The following MYO1D variants were observed in gnomAD, a reference collection of about 807,000 sequenced individuals.
MYO1D encodes unconventional myosin-Id.
MYO1D carries 83 observed loss-of-function variants against 122.0 expected under a neutral mutation model. The ratio of observed to expected loss-of-function variants is 0.68; its 90% confidence interval spans 0.57 to 0.82. The LOEUF (loss-of-function observed/expected upper bound fraction) is 0.82. MYO1D is among the 40% of genes least tolerant of loss of function. MYO1D has a pLI of 0.00. For missense variants in MYO1D, 1,157 were observed against 1,269.5 expected, an observed-to-expected ratio of 0.91 and a Z score of 1.35; for synonymous variants, 464 against 446.9, an observed-to-expected ratio of 1.04 and a Z score of -0.48.
chr17:32,738,616 T>A (rs762031246), intron 13 of MYO1D, among the ~76,000 whole-genome samples: 1 of 152,210 alleles, frequency 6.6e-6, no homozygotes. Context: ...TTTTAAAAAT[T>A]ATTTAAACTT....
intron 1 of MYO1D, among the ~76,000 whole-genome samples, chr17:32,866,420 T>C (rs899529989): frequency 6.6e-6 from 1 of 152,206 alleles, no homozygotes; most frequent in Non-Finnish European, 1.5e-5. Context: ...ACTAACCTTA[T>C]ACTACCTGCT....
chr17:32,750,909 C>T (rs894089263), intron 11 of MYO1D, among the ~76,000 whole-genome samples: 5 of 152,046 alleles, frequency 3.3e-5, no homozygotes, highest in Non-Finnish European at 7.4e-5. Context: ...TACTTAGTTC[C>T]CCTTTTCTGC....
chr17:32,751,622 A>T (rs1056557592), intron 11 of MYO1D, among the ~76,000 whole-genome samples: 3 of 152,178 alleles, frequency 2.0e-5, no homozygotes, highest in Admixed American at 1.3e-4. Flanking sequence ...TACACGACTG[A>T]TAACACTGAA....
intron 1 of MYO1D, among the ~76,000 whole-genome samples, chr17:32,814,733 G>A (rs1324412053): frequency 6.6e-6 from 1 of 152,216 alleles, no homozygotes; most frequent in Non-Finnish European, 1.5e-5. Flanking sequence ...CTAGAATAAT[G>A]CTAATTGCAA....
intron 21 of MYO1D, among the ~76,000 whole-genome samples, chr17:32,540,057 G>C (rs1391387524): frequency 6.6e-6 from 1 of 151,920 alleles, no homozygotes; most frequent in East Asian, 1.9e-4. Flanking sequence ...CCAAAAAAAA[G>C]AAAAGAGGCC....
At chr17:32,581,774 T>C (rs8078711) in intron 21 of MYO1D, among the ~76,000 whole-genome samples, 5,033 of 151,976 alleles carry the variant, frequency 0.033, 280 homozygotes, top group African/African-American at 0.12. Context: ...TGTGTATGTG[T>C]GTGTGTTTTG....
intron 21 of MYO1D, among the ~76,000 whole-genome samples, chr17:32,506,036 T>A (rs1909491741): frequency 6.6e-6 from 1 of 152,176 alleles, no homozygotes; most frequent in Non-Finnish European, 1.5e-5. Context: ...GTGGGTAACA[T>A]AATGAGACCC....
At chr17:32,591,164 C>T (rs8079280) in intron 21 of MYO1D, among the ~76,000 whole-genome samples, 79,114 of 152,108 alleles carry the variant, frequency 0.52, 21,208 homozygotes, top group Middle Eastern at 0.6. Flanking sequence ...GCACCGTGCA[C>T]AGGGAGAGAT....
chr17:32,737,991 A>T (rs1011167437), intron 14 of MYO1D, among the ~76,000 whole-genome samples: 6 of 152,236 alleles, frequency 3.9e-5, no homozygotes, highest in African/African-American at 4.8e-5. Context: ...ATATTTTTCA[A>T]ATCCAAGATT....
intron 13 of MYO1D, among the ~76,000 whole-genome samples, chr17:32,744,010 AT>A (rs1327741519): frequency 6.6e-6 from 1 of 152,156 alleles, no homozygotes; most frequent in Non-Finnish European, 1.5e-5. Flanking sequence ...CAGCAGTGAT[AT>A]CTTTAAAACA....
intron 1 of MYO1D, among the ~76,000 whole-genome samples, chr17:32,790,512 G>T: frequency 6.6e-6 from 1 of 151,948 alleles, no homozygotes; most frequent in African/African-American, 2.4e-5. Context: ...CTTGTTTATT[G>T]TCTACCTGCA....
intron 16 of MYO1D, among the ~76,000 whole-genome samples, chr17:32,669,354 C>T (rs370914916): frequency 6.6e-6 from 1 of 152,198 alleles, no homozygotes; most frequent in African/African-American, 2.4e-5. Flanking sequence ...CCTTTATCTT[C>T]CATTACTTCC....
intron 21 of MYO1D, among the ~76,000 whole-genome samples, chr17:32,585,552 A>G (rs2087379144): frequency 6.6e-6 from 1 of 152,120 alleles, no homozygotes; most frequent in Non-Finnish European, 1.5e-5. Flanking sequence ...CAACATGGTG[A>G]AACCTTGTCT....
intron 1 of MYO1D, among the ~76,000 whole-genome samples, chr17:32,793,912 A>G (rs1283690306): frequency 2.0e-5 from 3 of 152,248 alleles, no homozygotes. Context: ...TCAGCACACT[A>G]ATTAGTACAT....
chr17:32,739,404 A>T (rs546737763), intron 13 of MYO1D, among the ~76,000 whole-genome samples: 1 of 150,300 alleles, frequency 6.7e-6, no homozygotes, highest in South Asian at 2.1e-4. Flanking sequence ...CAAAAAACCA[A>T]ACATCACATG....
At chr17:32,502,036 G>A (rs1229989983) in intron 21 of MYO1D, among the ~76,000 whole-genome samples, 1 of 152,190 alleles carries the variant, frequency 6.6e-6, no homozygotes, top group East Asian at 1.9e-4. Context: ...CCACTGGTAG[G>A]TGTGTGGCGA....
chr17:32,641,208 A>G (rs1394071263), intron 19 of MYO1D, among the ~76,000 whole-genome samples: 2 of 150,324 alleles, frequency 1.3e-5, no homozygotes, highest in Non-Finnish European at 3.0e-5. Flanking sequence ...TCCTTGCGAT[A>G]GTTTGCTGAG....
At chr17:32,588,341 C>T (rs1406111698) in intron 21 of MYO1D, among the ~76,000 whole-genome samples, 1 of 152,224 alleles carries the variant, frequency 6.6e-6, no homozygotes, top group African/African-American at 2.4e-5. Flanking sequence ...AAAAGACACA[C>T]GTGCTTGCTA....
intron 16 of MYO1D, among the ~76,000 whole-genome samples, chr17:32,660,603 A>G (rs762156437): frequency 1.1e-4 from 17 of 152,238 alleles, no homozygotes; most frequent in Non-Finnish European, 2.2e-4. Flanking sequence ...AGGGACCCCA[A>G]TGGGTCAAGA....
Sources: gnomAD v4.1 joint callset for allele counts (sites outside exome capture counted in the v4.1 genomes callset) on GRCh38, gnomAD v4.1.1 for gene constraint, MANE v1.5 for transcripts, NCBI Gene and HGNC (gene_info 2026-07-23, HGNC 2026-07-21) for gene names.